MBNL1: variants seen among roughly 807,000 people sequenced by gnomAD.
MBNL1 encodes the protein muscleblind-like protein 1.
MBNL1 carries 8 observed loss-of-function variants against 42.2 expected under a neutral mutation model. That is an observed-to-expected ratio of 0.19 (90% CI 0.11 to 0.34). The LOEUF (loss-of-function observed/expected upper bound fraction) is 0.34. MBNL1 is among the 10% of genes least tolerant of loss of function. The pLI, the probability that MBNL1 is intolerant of heterozygous loss-of-function variation, is 1.00. For missense variants in MBNL1, 309 were observed against 495.3 expected (o/e 0.62, Z 3.57); for synonymous variants, 169 against 173.9 (o/e 0.97, Z 0.22).
intron 2 of MBNL1, among the ~76,000 whole-genome samples, chr3:152,371,723 C>T (rs2096670212): frequency 6.6e-6 from 1 of 152,206 alleles, no homozygotes. Flanking sequence ...TCTCTGGCTG[C>T]CCTTAACGTT....
intron 1 of MBNL1, among the ~76,000 whole-genome samples, chr3:152,283,267 G>A (rs1221687805): frequency 6.6e-6 from 1 of 152,138 alleles, no homozygotes; most frequent in Admixed American, 6.6e-5. Flanking sequence ...AAACCTAAGT[G>A]TTGCATCTAC....
At chr3:152,421,114 C>T (rs1247390715) in intron 3 of MBNL1, among the ~76,000 whole-genome samples, 5 of 152,210 alleles carry the variant, frequency 3.3e-5, no homozygotes, top group Non-Finnish European at 7.3e-5. Context: ...AAATATGGGA[C>T]TGTGTGTAAA....
chr3:152,354,350 G>A (rs1311984138), intron 2 of MBNL1, among the ~76,000 whole-genome samples: 2 of 152,122 alleles, frequency 1.3e-5, no homozygotes, highest in African/African-American at 4.8e-5. Flanking sequence ...TGCTACGTGG[G>A]AGGCTGAGGC....
chr3:152,370,885 G>C (rs1019321959), intron 2 of MBNL1, among the ~76,000 whole-genome samples: 1 of 150,536 alleles, frequency 6.6e-6, no homozygotes, highest in Non-Finnish European at 1.5e-5. Flanking sequence ...TTGAGCCTAT[G>C]TGTGTCTTTG....
intron 4 of MBNL1, among the ~76,000 whole-genome samples, chr3:152,442,449 G>A (rs2099157234): frequency 6.6e-6 from 1 of 152,206 alleles, no homozygotes; most frequent in Non-Finnish European, 1.5e-5. Flanking sequence ...TGGATGAGAA[G>A]AGAAAAATGA....
At chr3:152,399,052 A>G (rs1490980069) in intron 2 of MBNL1, among the ~76,000 whole-genome samples, 1 of 152,146 alleles carries the variant, frequency 6.6e-6, no homozygotes, top group Non-Finnish European at 1.5e-5. Flanking sequence ...TCTTTGCCCT[A>G]TAACCTTATA....
chr3:152,347,759 CAA>C (rs2094467611), intron 2 of MBNL1, among the ~76,000 whole-genome samples: 1 of 152,058 alleles, frequency 6.6e-6, no homozygotes, highest in African/African-American at 2.4e-5. Context: ...CTTGGTTGAA[CAA>C]ATCTAATAAA....
rs372992444 is a variant in MBNL1, at chr3:152,418,088, C to T, written c.345+2977C>T. 1.9e-3 allele frequency among the ~76,000 whole-genome samples: 287 copies of T among 152,188 alleles called. 1 individual carries two copies. The South Asian group carries it at 0.019, about 10-fold the overall frequency. On this transcript the variant is annotated intron_variant, in intron 3 of 9. Coordinates refer to ENST00000324210, the MANE Select transcript of MBNL1 (RefSeq NM_021038.5). ...ATGTACCAAGCCAAGAATCAGAAAC[C>T]GGACTTAAAATTTTTGAGACAAATA...
At chr3:152,308,403 T>C (rs750956756) in intron 2 of MBNL1, among the ~76,000 whole-genome samples, 4 of 152,198 alleles carry the variant, frequency 2.6e-5, no homozygotes, top group African/African-American at 4.8e-5. Context: ...CTGGAACTCA[T>C]GCTGTGAGCC....
chr3:152,271,533 T>G (rs1157434667), intron 1 of MBNL1, among the ~76,000 whole-genome samples: 1 of 152,132 alleles, frequency 6.6e-6, no homozygotes, highest in African/African-American at 2.4e-5. Flanking sequence ...GGCTTTCTGC[T>G]TGGTGATAGA....
intron 3 of MBNL1, among the ~76,000 whole-genome samples, chr3:152,421,473 T>C (rs535551677): frequency 1.1e-3 from 162 of 152,234 alleles, no homozygotes; most frequent in Admixed American, 4.8e-3. Flanking sequence ...AGGAGCTTGG[T>C]TGGGGGAAGG....
intron 2 of MBNL1, among the ~76,000 whole-genome samples, chr3:152,256,059 C>T (rs1169266212): frequency 6.6e-6 from 1 of 152,136 alleles, no homozygotes; most frequent in Non-Finnish European, 1.5e-5. Flanking sequence ...CAAGGACGTG[C>T]ACGTGTCTTA....
chr3:152,247,937 A>T (rs2033528157), intron 2 of MBNL1, among the ~76,000 whole-genome samples: 1 of 151,960 alleles, frequency 6.6e-6, no homozygotes, highest in Non-Finnish European at 1.5e-5. Flanking sequence ...TCCATGAACC[A>T]GTATAAAATT....
chr3:152,375,301 G>T (rs1435339834), intron 2 of MBNL1, among the ~76,000 whole-genome samples: 1 of 152,180 alleles, frequency 6.6e-6, no homozygotes, highest in Non-Finnish European at 1.5e-5. Flanking sequence ...TAAGTGTGGA[G>T]AATTAGATTA....
intron 8 of MBNL1, 47 bp downstream of exon 8, chr3:152,456,408 GCTCAATCCAACAGCC>G (rs1203214979): frequency 1.3e-6 from 2 of 1,491,662 alleles, no homozygotes; most frequent in East Asian, 4.5e-5. Context: ...CTCTAATAGG[GCTCAATCCAACAGCC>G]CTTACGCACG....
chr3:152,269,152 T>A (rs1025664163), intron 1 of MBNL1, 60 bp downstream of exon 1: 2 of 426,286 alleles, frequency 4.7e-6, no homozygotes, highest in Non-Finnish European at 9.5e-6. Context: ...CCGGCGGGTC[T>A]GCCCGTGGCT....
intron 3 of MBNL1, among the ~76,000 whole-genome samples, 182 bp downstream of exon 3, chr3:152,415,293 C>T (rs1007482451): frequency 6.6e-6 from 1 of 152,182 alleles, no homozygotes; most frequent in Non-Finnish European, 1.5e-5. Flanking sequence ...TGTAGGCACT[C>T]ATTTTCTGGC....
chr3:152,451,486 C>A (rs1044959444), intron 6 of MBNL1, among the ~76,000 whole-genome samples: 2 of 152,114 alleles, frequency 1.3e-5, no homozygotes, highest in Admixed American at 1.3e-4. Context: ...CTATTCATCC[C>A]CCCATTTATC....
chr3:152,428,137 A>C (rs1304483645), intron 3 of MBNL1, among the ~76,000 whole-genome samples: 2 of 152,200 alleles, frequency 1.3e-5, no homozygotes, highest in Non-Finnish European at 2.9e-5. Flanking sequence ...TAAAGAAAGA[A>C]ACAATCACTT....
Sources: gnomAD v4.1 joint callset for allele counts (sites outside exome capture counted in the v4.1 genomes callset) on GRCh38, gnomAD v4.1.1 for gene constraint, MANE v1.5 for transcripts, NCBI Gene and HGNC (gene_info 2026-07-23, HGNC 2026-07-21) for gene names.